The following FNDC3B variants were observed in gnomAD, a reference collection of about 807,000 sequenced individuals.
FNDC3B encodes fibronectin type III domain containing 3B.
FNDC3B carries 12 observed loss-of-function variants against 151.5 expected under a neutral mutation model. The observed-to-expected ratio is 0.08, with a 90% CI of 0.05 to 0.13. The LOEUF (loss-of-function observed/expected upper bound fraction) is 0.13, where lower values mean the gene tolerates loss of function less well. Ranked by LOEUF, FNDC3B falls within the 10% of genes least tolerant of loss-of-function variation. The pLI, the probability that FNDC3B is intolerant of heterozygous loss-of-function variation, is 1.00. For synonymous variants in FNDC3B, 528 were observed against 549.0 expected (o/e 0.96, Z 0.54); for missense variants, 1,214 against 1,505.3 (o/e 0.81, Z 3.20).
At position 172,287,204 on chromosome 3, in the gene FNDC3B, T is replaced by G. The variant is rs76848760; in HGVS notation, c.849+1220T>G. Among the ~76,000 whole-genome samples, 1,435 of 152,338 alleles carry G rather than the reference T, an allele frequency of 9.4e-3. 31 individuals carry two copies. The highest frequency in any genetic ancestry group is 0.033 in the African/African-American group (1,356 of 41,570). ...TGCTACTGTATTTAATATATTGTACTGCATCTACTTGTTTCTGTGTCTTTC... is the reference window on the plus strand; with the variant it reads ...TGCTACTGTATTTAATATATTGTACGGCATCTACTTGTTTCTGTGTCTTTC... On this transcript the variant is annotated intron_variant, in intron 7 of 25. Coordinates refer to ENST00000415807, the MANE Select transcript of FNDC3B (RefSeq NM_022763.4).
intron 6 of FNDC3B, among the ~76,000 whole-genome samples, chr3:172,271,764 G>GT (rs1269727395): frequency 6.6e-6 from 1 of 152,128 alleles, no homozygotes; most frequent in African/African-American, 2.4e-5. Context: ...CAAACGTTCA[G>GT]TGCAAGGCAG....
At chr3:172,276,950 G>T (rs757475988) in intron 6 of FNDC3B, among the ~76,000 whole-genome samples, 19 of 152,232 alleles carry the variant, frequency 1.2e-4, no homozygotes, top group Non-Finnish European at 2.8e-4. Flanking sequence ...GATGTTATTG[G>T]AACAATTGAC....
At chr3:172,357,844 G>A (rs114574164) in intron 22 of FNDC3B, among the ~76,000 whole-genome samples, 2,894 of 152,202 alleles carry the variant, frequency 0.019, 99 homozygotes, top group African/African-American at 0.066. Flanking sequence ...GAAACAAAAT[G>A]TGTTTTTGTA....
chr3:172,247,545 A>G lies in FNDC3B; in HGVS notation c.277A>G (p.Ser93Gly). Reference sequence around the variant, plus strand: ...TGTTTTTCTTTAGGTGATTGAAGATAGTACTGGAGTCCGCCGGGTGGTGGT... The same window carrying G: ...TGTTTTTCTTTAGGTGATTGAAGATGGTACTGGAGTCCGCCGGGTGGTGGT... ...PGYISQVIED[S>G]TGVRRVVVTP... is the part of the protein sequence containing the mutation. Residue 93 changes from serine (S) to glycine (G), a missense_variant, in exon 5 of 26, where the codon AGT becomes GGT. By Grantham distance (56) the Ser-to-Gly change is moderately conservative (BLOSUM62 0). Coordinates refer to ENST00000415807, the MANE Select transcript of FNDC3B (RefSeq NM_022763.4). The G allele has an allele frequency of 6.2e-7, 1 of 1,614,032 alleles. No individual in the cohort carries two copies. The highest frequency in any genetic ancestry group is 8.5e-7 in the Non-Finnish European group (1 of 1,179,918).
At chr3:172,048,364 T>C (rs1257869922) in intron 1 of FNDC3B, among the ~76,000 whole-genome samples, 3 of 152,232 alleles carry the variant, frequency 2.0e-5, no homozygotes, top group Non-Finnish European at 4.4e-5. Flanking sequence ...CTTTAGATGC[T>C]GTTTCTGATT....
intron 11 of FNDC3B, among the ~76,000 whole-genome samples, chr3:172,311,083 G>A (rs1345266093): frequency 6.6e-6 from 1 of 152,180 alleles, no homozygotes; most frequent in Non-Finnish European, 1.5e-5. Flanking sequence ...TGAAATATAT[G>A]TACCTGGCTT....
At chr3:172,337,219 T>C (rs1343755900) in intron 15 of FNDC3B, 111 bp from the exon 16 acceptor site, 2 of 668,324 alleles carry the variant, frequency 3.0e-6, no homozygotes, top group African/African-American at 1.9e-5. Flanking sequence ...CTTTTGGTCA[T>C]GTCTAGAATT....
intron 3 of FNDC3B, among the ~76,000 whole-genome samples, chr3:172,223,910 C>T (rs963212072): frequency 1.3e-5 from 2 of 152,332 alleles, no homozygotes; most frequent in East Asian, 1.9e-4. Context: ...AGCGCTTTTG[C>T]GTGTAATGAA....
intron 6 of FNDC3B, among the ~76,000 whole-genome samples, chr3:172,283,824 A>G (rs1729865274): frequency 6.6e-6 from 1 of 152,140 alleles, no homozygotes; most frequent in African/African-American, 2.4e-5. Flanking sequence ...AGGGTATGTC[A>G]ACTTTTGATT....
intron 3 of FNDC3B, among the ~76,000 whole-genome samples, chr3:172,209,031 G>A (rs759735094): frequency 9.2e-5 from 14 of 152,014 alleles, no homozygotes; most frequent in East Asian, 5.8e-4. Context: ...GTGTTACAGC[G>A]TGTCACAGCC....
chr3:172,341,745 T>C (rs763658143), intron 17 of FNDC3B, among the ~76,000 whole-genome samples: 2 of 152,218 alleles, frequency 1.3e-5, no homozygotes, highest in African/African-American at 4.8e-5. Flanking sequence ...CCTGAAGTTG[T>C]GTGGTACCCA....
intron 3 of FNDC3B, chr3:172,134,245 C>T (rs908945831): frequency 2.2e-6 from 1 of 453,848 alleles, no homozygotes; most frequent in Non-Finnish European, 4.5e-6. Context: ...AGTGTGTATA[C>T]TAATGCCTCT....
At chr3:172,305,701 C>T (rs563067443) in intron 9 of FNDC3B, among the ~76,000 whole-genome samples, 2 of 152,214 alleles carry the variant, frequency 1.3e-5, no homozygotes, top group Non-Finnish European at 1.5e-5. Flanking sequence ...TGCCACCACA[C>T]ATACACATGT....
chr3:172,278,655 G>A (rs1272303657), intron 6 of FNDC3B, among the ~76,000 whole-genome samples: 1 of 152,128 alleles, frequency 6.6e-6, no homozygotes, highest in African/African-American at 2.4e-5. Context: ...GGCCGGGTGT[G>A]GTGGCTCACG....
chr3:172,395,745 G>A (rs1015627122), intron 25 of FNDC3B, among the ~76,000 whole-genome samples: 5 of 152,132 alleles, frequency 3.3e-5, no homozygotes, highest in Admixed American at 1.3e-4. Context: ...AAAGTCAAGC[G>A]AATTGCAAAT....
intron 25 of FNDC3B, among the ~76,000 whole-genome samples, chr3:172,383,883 A>G (rs1278637375): frequency 6.6e-6 from 1 of 152,208 alleles, no homozygotes; most frequent in African/African-American, 2.4e-5. Flanking sequence ...AGGATATAAT[A>G]TTATGTATTC....
At chr3:172,231,081 A>T (rs1726864090) in intron 4 of FNDC3B, among the ~76,000 whole-genome samples, 1 of 152,242 alleles carries the variant, frequency 6.6e-6, no homozygotes, top group South Asian at 2.1e-4. Flanking sequence ...TGAATAGGTA[A>T]ATGTAATATA....
chr3:172,050,751 C>G (rs62283780), intron 1 of FNDC3B, among the ~76,000 whole-genome samples: 14,163 of 149,614 alleles, frequency 0.095, 845 homozygotes, highest in East Asian at 0.2. Flanking sequence ...TGTATATATA[C>G]TATATATACT....
chr3:172,317,374 C>CG (rs1731854003), intron 11 of FNDC3B: 1 of 281,824 alleles, frequency 3.5e-6, no homozygotes, highest in Admixed American at 4.6e-5. Flanking sequence ...TTAATAGAGA[C>CG]GGGGTTTCAC....
Sources: allele counts gnomAD v4.1 joint callset (sites outside exome capture counted in the v4.1 genomes callset), GRCh38; gene constraint gnomAD v4.1.1; transcripts MANE v1.5; gene names NCBI Gene and HGNC (gene_info 2026-07-23, HGNC 2026-07-21).